The following RAF1 variants were observed in gnomAD, a reference collection of about 807,000 sequenced individuals.
RAF1 encodes Raf-1 proto-oncogene, serine/threonine kinase, also known as RAF proto-oncogene serine/threonine-protein kinase.
In RAF1, 27 loss-of-function variants were observed where a neutral mutation model predicts 81.1. The ratio of observed to expected loss-of-function variants is 0.33; its 90% CI spans 0.25 to 0.46. The LOEUF (loss-of-function observed/expected upper bound fraction) is 0.46, where lower values mean the gene tolerates loss of function less well. RAF1 is among the 20% of genes least tolerant of loss of function. The pLI is 1.00. For missense variants in RAF1, 598 were observed against 826.0 expected, an observed-to-expected ratio of 0.72 and a Z score of 3.38; for synonymous variants, 298 against 294.0, an observed-to-expected ratio of 1.01 and a Z score of -0.14.
At chr3:12,640,590 C>T (rs6784435) in intron 1 of RAF1, among the ~76,000 whole-genome samples, 34,632 of 151,994 alleles carry the variant, frequency 0.23, 4,458 homozygotes, top group African/African-American at 0.35. Context: ...AAAAGACATT[C>T]ATGCAGACAA....
intron 11 of RAF1, among the ~76,000 whole-genome samples, chr3:12,592,951 G>C (rs2058565962): frequency 6.6e-6 from 1 of 151,586 alleles, no homozygotes; most frequent in Non-Finnish European, 1.5e-5. Flanking sequence ...ATGTTAGCCA[G>C]GATGGTCTCG....
At chr3:12,646,189 G>A (rs2060342655) in intron 1 of RAF1, among the ~76,000 whole-genome samples, 1 of 152,084 alleles carries the variant, frequency 6.6e-6, no homozygotes, top group African/African-American at 2.4e-5. Context: ...ACCTAGGCTG[G>A]AAGTGCAGTA....
At chr3:12,600,114 A>C (rs1244883446) in intron 10 of RAF1, 38 bp downstream of exon 9, 2 of 1,613,544 alleles carry the variant, frequency 1.2e-6, no homozygotes, top group Non-Finnish European at 1.7e-6. Context: ...TTTCTTACTG[A>C]ACCCTAATTG....
At chr3:12,585,009 TGGG>T in intron 16 of RAF1, 28 bp from the exon 16 acceptor site, 3 of 1,613,992 alleles carry the variant, frequency 1.9e-6, no homozygotes, top group African/African-American at 1.3e-5. Flanking sequence ...GCTGAGCTAA[TGGG>T]GGGTGAATGA....
At chr3:12,605,799 T>C (rs2059009822) in intron 6 of RAF1, among the ~76,000 whole-genome samples, 1 of 152,246 alleles carries the variant, frequency 6.6e-6, no homozygotes, top group African/African-American at 2.4e-5. Flanking sequence ...TACATGGTTT[T>C]AGCAAATGCA....
rs763542986 is a variant in RAF1 at position 12,584,705 on chromosome 3, C to T, written c.1864-48G>A. 1.9e-6 allele frequency: 3 copies of T among 1,613,848 alleles called. No individual in the cohort carries two copies. In the South Asian group the frequency reaches 3.3e-5, roughly 18 times the overall value. On this transcript the variant is annotated intron_variant, in intron 17 of 17. Transcript: ENST00000442415. ...TCTCATTAGCTGTGTCTCAAAGACA[C>T]AGGATGTACCCTGCCCCCCACCATC... is the stretch of plus-strand genomic sequence containing the variant.
At chr3:12,639,581 GACAA>G (rs1480410007) in intron 1 of RAF1, among the ~76,000 whole-genome samples, 1 of 152,014 alleles carries the variant, frequency 6.6e-6, no homozygotes, top group Non-Finnish European at 1.5e-5. Context: ...ACCAATAACA[GACAA>G]ACAGAGAGCC....
At position 12,591,116 on chromosome 3, in the gene RAF1, T is replaced by C. The variant is rs1383677495; in HGVS notation, c.1254-142A>G. ...ACCCCCAGTCCCAAAAACAAACACATGGCACGGCTGATAACCCGGGTGGCA... is the reference window on the plus strand; with the variant it reads ...ACCCCCAGTCCCAAAAACAAACACACGGCACGGCTGATAACCCGGGTGGCA... On this transcript the variant is annotated intron_variant, in intron 12 of 17. Coordinates refer to ENST00000442415, the MANE Select transcript of RAF1 (RefSeq NM_001354689.3). The C allele has an allele frequency of 1.1e-5, 8 of 738,612 alleles. No homozygotes were observed. The Admixed American group carries it at 1.4e-4, about 13-fold the overall frequency. 45.8% of individuals were successfully genotyped at this position (738,612 alleles called of 1,614,324 possible).
At chr3:12,635,637 CAA>C (rs34576938) in intron 1 of RAF1, among the ~76,000 whole-genome samples, 18,069 of 73,308 alleles carry the variant, frequency 0.25, 2,219 homozygotes, top group African/African-American at 0.46. Context: ...ACTCCAGCTC[CAA>C]AAAAAAAAAA....
At chr3:12,645,490 T>A (rs574408116) in intron 1 of RAF1, among the ~76,000 whole-genome samples, 1 of 152,340 alleles carries the variant, frequency 6.6e-6, no homozygotes, top group East Asian at 1.9e-4. Context: ...TATAATACAC[T>A]GATTTGAATG....
intron 1 of RAF1, among the ~76,000 whole-genome samples, chr3:12,661,221 G>A (rs1388980405): frequency 6.6e-6 from 1 of 152,122 alleles, no homozygotes; most frequent in African/African-American, 2.4e-5. Context: ...CAATATTATA[G>A]CTATTTTAGG....
intron 11 of RAF1, among the ~76,000 whole-genome samples, chr3:12,599,414 G>C (rs2058786655): frequency 6.6e-6 from 1 of 152,192 alleles, no homozygotes; most frequent in Admixed American, 6.5e-5. Flanking sequence ...CATGACCCAT[G>C]TGCAGACTGT....
Position 12,606,356 on chromosome 3 carries a change from A to G in RAF1, c.582-57T>C, listed in dbSNP as rs989229294. On this transcript the variant is annotated intron_variant, in intron 5 of 17. Coordinates refer to ENST00000442415, the MANE Select transcript of RAF1 (RefSeq NM_001354689.3). ...GGCTTGCAGTAATCTTACAGAGACA[A>G]TCAGCATGCCTTGCTTTTGCAAACT... 5 of 1,312,856 alleles carry G rather than the reference A, an allele frequency of 3.8e-6. No individual in the cohort carries two copies. The Admixed American group carries it at 7.4e-5, about 19-fold the overall frequency. 81.3% of individuals were successfully genotyped at this position (1,312,856 alleles called of 1,614,324 possible).
intron 1 of RAF1, among the ~76,000 whole-genome samples, chr3:12,631,623 A>T (rs2059863713): frequency 6.6e-6 from 1 of 152,142 alleles, no homozygotes. Context: ...ACAAAACACA[A>T]TTGTTCAGTA....
At chr3:12,642,176 G>C (rs111259664) in intron 1 of RAF1, among the ~76,000 whole-genome samples, 6 of 150,790 alleles carry the variant, frequency 4.0e-5, no homozygotes, top group Non-Finnish European at 8.8e-5. Context: ...TAGGCTGGGC[G>C]CAGTGGCTCA....
rs886057919 is a variant in RAF1 at position 12,663,932 on chromosome 3, G to C, written c.-146C>G. 1 of 398,232 alleles carries C rather than the reference G, an allele frequency of 2.5e-6. No individual in the cohort carries two copies. The highest frequency in any genetic ancestry group is 4.4e-6 in the Non-Finnish European group (1 of 225,844). The allele number at this position is 398,232 out of a possible 1,614,324, so 24.7% of individuals were successfully genotyped here. ...CACATTCGGCGCGTCCCCAGCCCAG[G>C]GGACGGAGCCCCGAGCAGCCCCCGC... On this transcript the variant is annotated 5_prime_UTR_variant, in exon 1 of 18. Coordinates refer to ENST00000442415, the MANE Select transcript of RAF1 (RefSeq NM_001354689.3).
intron 11 of RAF1, 162 bp from the exon 11 acceptor site, chr3:12,591,954 C>CA: frequency 4.5e-6 from 3 of 669,048 alleles, no homozygotes; most frequent in South Asian, 3.2e-5. Flanking sequence ...GACAGGGTCT[C>CA]ACTCTGTTGT....
chr3:12,598,459 G>A (rs1453885569), intron 11 of RAF1, among the ~76,000 whole-genome samples: 1 of 152,086 alleles, frequency 6.6e-6, no homozygotes, highest in African/African-American at 2.4e-5. Context: ...TGGTAAGGCT[G>A]GGCACAGTGG....
At chr3:12,605,254 G>A (rs1037461634) in intron 6 of RAF1, among the ~76,000 whole-genome samples, 2 of 148,228 alleles carry the variant, frequency 1.3e-5, no homozygotes, top group African/African-American at 5.2e-5. Context: ...CACATTATGT[G>A]TGTGTGTGTG....
Sources: allele counts gnomAD v4.1 joint callset (sites outside exome capture counted in the v4.1 genomes callset), GRCh38; gene constraint gnomAD v4.1.1; transcripts MANE v1.5; gene names NCBI Gene and HGNC (gene_info 2026-07-23, HGNC 2026-07-21).